KLHL13: variants seen among roughly 807,000 people sequenced by gnomAD.
KLHL13 encodes kelch-like protein 13.
Under a neutral mutation model 37.1 loss-of-function variants are expected in KLHL13, and 10 were observed. The ratio of observed to expected loss-of-function variants is 0.27; its 90% CI spans 0.17 to 0.46. The LOEUF (loss-of-function observed/expected upper bound fraction) is 0.46. KLHL13 is among the 20% of genes least tolerant of loss of function. The pLI, the probability that KLHL13 is intolerant of heterozygous loss-of-function variation, is 1.00. For missense variants in KLHL13, 360 were observed against 509.3 expected, an observed-to-expected ratio of 0.71 and a Z score of 2.82; for synonymous variants, 163 against 181.2, an observed-to-expected ratio of 0.90 and a Z score of 0.81.
chrX:118,063,256 G>A (rs187757498), intron 1 of KLHL13, among the ~76,000 whole-genome samples: 226 of 111,555 alleles, frequency 2.0e-3, no homozygotes, highest in Non-Finnish European at 3.8e-3. Context: ...CTGTACTTTA[G>A]AGGAGTGGAA....
At chrX:118,104,047 C>CT (rs1417750545) in intron 1 of KLHL13, among the ~76,000 whole-genome samples, 1 of 58,825 alleles carries the variant, frequency 1.7e-5, no homozygotes, top group African/African-American at 1.1e-4. Context: ...CTCATTTCCA[C>CT]TAAAAAAAAA....
At chrX:118,096,969 A>G (rs2055215246) in intron 1 of KLHL13, among the ~76,000 whole-genome samples, 2 of 110,139 alleles carry the variant, frequency 1.8e-5, no homozygotes, top group Non-Finnish European at 3.8e-5. Flanking sequence ...CACAGCCAAT[A>G]TCATACTGAA....
In KLHL13 at chrX:118,038,954, TA is replaced by T. The variant is rs760064541; in HGVS notation, c.-56+77553del. 3.5e-3 allele frequency among the ~76,000 whole-genome samples: 392 copies of T among 111,963 alleles called. 2 individuals carry two copies. Among genetic ancestry groups the T allele is most frequent in the African/African-American group, 0.012 (363 of 30,832 alleles). On this transcript the variant is annotated intron_variant, in intron 1 of 6. Transcript: ENST00000371882. Reference sequence around the variant, plus strand: ...TGATTTTGTCTTGCAACTTGCATACTAGCTTACCTACAGTAGGCTAGGACAG... The same window carrying T: ...TGATTTTGTCTTGCAACTTGCATACTGCTTACCTACAGTAGGCTAGGACAG...
chrX:118,011,712 T>C (rs964094845), intron 1 of KLHL13, among the ~76,000 whole-genome samples: 9 of 111,167 alleles, frequency 8.1e-5, no homozygotes, highest in African/African-American at 2.6e-4. Context: ...CATCAAACAA[T>C]ACCAAGAATA....
chrX:117,948,161 T>C (rs754842034), intron 1 of KLHL13, among the ~76,000 whole-genome samples: 76 of 111,788 alleles, frequency 6.8e-4, no homozygotes, highest in African/African-American at 2.4e-3. Context: ...GTCAAAGCTG[T>C]TCTTAGGCAA....
At chrX:117,902,066 T>C (rs1256215357) in intron 5 of KLHL13, 120 bp from the exon 7 acceptor site, 1 of 415,975 alleles carries the variant, frequency 2.4e-6, no homozygotes, top group African/African-American at 2.5e-5. Context: ...ATTATAGCTA[T>C]GATAGATATG....
chrX:118,095,739 A>G (rs1446327412), intron 1 of KLHL13, among the ~76,000 whole-genome samples: 1 of 112,366 alleles, frequency 8.9e-6, no homozygotes, highest in African/African-American at 3.2e-5. Context: ...TAAGAAACTC[A>G]TTCAAAACCG....
chrX:117,918,053 T>G (rs949208207), intron 4 of KLHL13, among the ~76,000 whole-genome samples: 1 of 111,624 alleles, frequency 9.0e-6, no homozygotes, highest in Admixed American at 9.6e-5. Context: ...ATGATCAAAT[T>G]TAAATAAAAT....
chrX:117,980,228 T>C (rs1008853253), intron 1 of KLHL13, among the ~76,000 whole-genome samples: 9 of 111,808 alleles, frequency 8.0e-5, no homozygotes, highest in Admixed American at 4.7e-4. Flanking sequence ...TTTATGATGG[T>C]TGAAAATTTT....
intron 5 of KLHL13, among the ~76,000 whole-genome samples, chrX:117,905,284 C>T (rs1441053066): frequency 8.9e-6 from 1 of 112,046 alleles, no homozygotes; most frequent in African/African-American, 3.2e-5. Context: ...GATATTGGAG[C>T]TGTCATAATC....
intron 1 of KLHL13, among the ~76,000 whole-genome samples, chrX:118,033,769 T>C (rs1249459236): frequency 2.7e-5 from 3 of 110,404 alleles, no homozygotes; most frequent in African/African-American, 9.9e-5. Flanking sequence ...ATGGGCTAAA[T>C]GCTCCAATTA....
chrX:118,115,066 T>C (rs1237527213), intron 1 of KLHL13, among the ~76,000 whole-genome samples: 2 of 112,448 alleles, frequency 1.8e-5, no homozygotes, highest in African/African-American at 6.5e-5. Flanking sequence ...TGGTCATACA[T>C]CAGGCAAACA....
intron 1 of KLHL13, among the ~76,000 whole-genome samples, chrX:117,956,161 G>A (rs2053201894): frequency 8.9e-6 from 1 of 111,831 alleles, no homozygotes; most frequent in Non-Finnish European, 1.9e-5. Flanking sequence ...ACTACCATAA[G>A]TGTTTATCCA....
chrX:117,948,740 C>A (rs138741429), intron 1 of KLHL13, among the ~76,000 whole-genome samples: 5,509 of 111,690 alleles, frequency 0.049, 150 homozygotes, highest in Middle Eastern at 0.11. Flanking sequence ...ACGTCTTATT[C>A]TTGAAACAAT....
intron 2 of KLHL13, among the ~76,000 whole-genome samples, chrX:117,926,936 C>CAG (rs1267405719): frequency 8.4e-5 from 6 of 71,410 alleles, no homozygotes; most frequent in Non-Finnish European, 1.5e-4. Context: ...GATGGAGTCT[C>CAG]GCTCTGTCGC....
At chrX:118,074,721 T>C (rs1204093023) in intron 1 of KLHL13, among the ~76,000 whole-genome samples, 1 of 111,976 alleles carries the variant, frequency 8.9e-6, no homozygotes, top group African/African-American at 3.2e-5. Flanking sequence ...TTTGATTCAA[T>C]GCCACCCACC....
chrX:118,003,052 T>C (rs1428199334), intron 1 of KLHL13, among the ~76,000 whole-genome samples: 1 of 112,171 alleles, frequency 8.9e-6, no homozygotes, highest in East Asian at 2.8e-4. Context: ...AGTACCAAAA[T>C]GAGAAGCAGC....
At chrX:118,054,436 GA>G (rs926340903) in intron 1 of KLHL13, among the ~76,000 whole-genome samples, 15 of 108,853 alleles carry the variant, frequency 1.4e-4, no homozygotes, top group African/African-American at 4.3e-4. Context: ...TATAGTAAAA[GA>G]AAAAAAAACA....
intron 1 of KLHL13, among the ~76,000 whole-genome samples, chrX:118,026,528 G>C (rs914294045): frequency 9.0e-6 from 1 of 111,719 alleles, no homozygotes; most frequent in African/African-American, 3.2e-5. Flanking sequence ...TTGGGTGGAA[G>C]AATGATGAAA....
Sources: gnomAD v4.1 joint callset for allele counts (sites outside exome capture counted in the v4.1 genomes callset) on GRCh38, gnomAD v4.1.1 for gene constraint, MANE v1.5 for transcripts, NCBI Gene and HGNC (gene_info 2026-07-23, HGNC 2026-07-21) for gene names.